NAALADL2: variants seen among roughly 807,000 people sequenced by gnomAD.
NAALADL2 encodes N-acetylated alpha-linked acidic dipeptidase like 2.
A neutral mutation model predicts 87.2 loss-of-function variants in NAALADL2; 76 were observed. That is an observed-to-expected ratio of 0.87 (90% confidence interval 0.72 to 1.05). NAALADL2 has a LOEUF of 1.05. Ranked by LOEUF, NAALADL2 falls within the 50% of genes least tolerant of loss-of-function variation. NAALADL2 has a pLI of 0.00. For missense variants in NAALADL2, 1,089 were observed against 945.8 expected, an observed-to-expected ratio of 1.15 and a Z score of -1.99; for synonymous variants, 354 against 331.0, an observed-to-expected ratio of 1.07 and a Z score of -0.75.
intron 4 of NAALADL2, among the ~76,000 whole-genome samples, chr3:175,278,954 T>C (rs773538413): frequency 1.3e-5 from 2 of 152,154 alleles, no homozygotes; most frequent in Non-Finnish European, 2.9e-5. Flanking sequence ...AGATTATATT[T>C]TTGTTGTGCT....
chr3:175,083,745 A>C (rs1287717240), intron 1 of NAALADL2, among the ~76,000 whole-genome samples: 1 of 152,208 alleles, frequency 6.6e-6, no homozygotes, highest in Non-Finnish European at 1.5e-5. Flanking sequence ...TTACTATCCT[A>C]TTCTGAAGGC....
intron 3 of NAALADL2, among the ~76,000 whole-genome samples, chr3:174,822,674 G>A (rs1311068179): frequency 1.1e-4 from 16 of 152,144 alleles, no homozygotes; most frequent in Non-Finnish European, 1.5e-5. Context: ...TATGCTATAG[G>A]TAGGTGCATT....
intron 1 of NAALADL2, among the ~76,000 whole-genome samples, chr3:174,967,474 G>A (rs537907646): frequency 2.0e-5 from 3 of 152,156 alleles, no homozygotes; most frequent in Non-Finnish European, 4.4e-5. Flanking sequence ...GTCTCAAGAG[G>A]TACAGTCTGT....
intron 1 of NAALADL2, among the ~76,000 whole-genome samples, chr3:175,070,629 T>C (rs1471057597): frequency 2.0e-5 from 3 of 152,086 alleles, no homozygotes; most frequent in Admixed American, 1.3e-4. Flanking sequence ...TATGCTATGG[T>C]ATAGGGAATC....
chr3:175,644,130 C>A (rs917127812), intron 11 of NAALADL2, among the ~76,000 whole-genome samples: 1 of 151,942 alleles, frequency 6.6e-6, no homozygotes, highest in African/African-American at 2.4e-5. Flanking sequence ...AAAATCATTG[C>A]CAAATTTTGT....
Position 175,733,878 on chromosome 3 carries a change from C to T in NAALADL2, c.1897-3428C>T, listed in dbSNP as rs966155982. ...CCAGCAGGGCAGTCAAATCTTAAAG[C>T]TCTAAAATGATCTCCTTTGACTCCA... is the stretch of plus-strand genomic sequence containing the variant. On this transcript the variant is annotated intron_variant, in intron 11 of 13. Transcript: ENST00000454872. Among the ~76,000 whole-genome samples, 3 of 152,196 alleles carry T rather than the reference C, an allele frequency of 2.0e-5. No individual in the cohort carries two copies. The South Asian group carries it at 6.2e-4, about 31-fold the overall frequency.
chr3:175,401,274 T>A (rs1457491264), intron 5 of NAALADL2, among the ~76,000 whole-genome samples: 1 of 152,114 alleles, frequency 6.6e-6, no homozygotes, highest in Non-Finnish European at 1.5e-5. Flanking sequence ...GATGGAAAGT[T>A]TTGCTTTGAA....
At chr3:174,652,431 C>T (rs893087735) in intron 2 of NAALADL2, among the ~76,000 whole-genome samples, 10 of 152,086 alleles carry the variant, frequency 6.6e-5, no homozygotes, top group Admixed American at 5.9e-4. Flanking sequence ...GGGGTTTAAT[C>T]GATTCACAGT....
At chr3:175,344,954 C>G (rs746075424) in intron 5 of NAALADL2, among the ~76,000 whole-genome samples, 2 of 151,862 alleles carry the variant, frequency 1.3e-5, no homozygotes, top group African/African-American at 4.8e-5. Flanking sequence ...GAAACTAGAA[C>G]AAAAACATGT....
intron 3 of NAALADL2, among the ~76,000 whole-genome samples, chr3:174,758,820 G>A (rs753085030): frequency 6.6e-6 from 1 of 152,182 alleles, no homozygotes; most frequent in Admixed American, 6.5e-5. Flanking sequence ...TGGATCATGA[G>A]AAAGCACATA....
chr3:175,023,892 G>A (rs562624177), intron 1 of NAALADL2, among the ~76,000 whole-genome samples: 3 of 152,006 alleles, frequency 2.0e-5, no homozygotes, highest in South Asian at 4.2e-4. Context: ...TCACTGACAG[G>A]ACTTGGTAAT....
At chr3:175,559,410 T>C (rs970701586) in intron 9 of NAALADL2, among the ~76,000 whole-genome samples, 5 of 124,082 alleles carry the variant, frequency 4.0e-5, no homozygotes, top group African/African-American at 1.3e-4. Flanking sequence ...CTTCCTCTTT[T>C]CCAATTTGGA....
chr3:174,613,990 T>G (rs1264328760), intron 2 of NAALADL2, among the ~76,000 whole-genome samples: 1 of 152,194 alleles, frequency 6.6e-6, no homozygotes, highest in Non-Finnish European at 1.5e-5. Flanking sequence ...GGGAGTTTAT[T>G]CCTAGAAAGG....
At position 175,514,224 on chromosome 3, in the gene NAALADL2, A is replaced by C. The variant is rs572654596; in HGVS notation, c.1653+42466A>C. Reference sequence around the variant, plus strand: ...ACAGTTGTAGTTATTTTTCTCTCATACTTTTCTTAGTGCACATCTATAAAT... The same window carrying C: ...ACAGTTGTAGTTATTTTTCTCTCATCCTTTTCTTAGTGCACATCTATAAAT... On this transcript the variant is annotated intron_variant, in intron 9 of 13. Transcript: ENST00000454872. 2.6e-5 allele frequency among the ~76,000 whole-genome samples: 4 copies of C among 152,280 alleles called. No homozygotes were observed. In the East Asian group the frequency reaches 7.7e-4, roughly 29 times the overall value.
At chr3:174,538,612 TA>T (rs1721939573) in intron 1 of NAALADL2, among the ~76,000 whole-genome samples, 1 of 152,162 alleles carries the variant, frequency 6.6e-6, no homozygotes, top group Non-Finnish European at 1.5e-5. Flanking sequence ...GAGAATTAAC[TA>T]AGATTCTGGC....
chr3:175,755,922 G>A (rs532735002), intron 13 of NAALADL2, among the ~76,000 whole-genome samples: 12 of 152,250 alleles, frequency 7.9e-5, no homozygotes, highest in African/African-American at 1.9e-4. Flanking sequence ...AGAGTCACAT[G>A]GAGTGCTTTC....
intron 2 of NAALADL2, among the ~76,000 whole-genome samples, chr3:174,606,226 A>C (rs996098315): frequency 2.0e-5 from 3 of 152,228 alleles, no homozygotes; most frequent in African/African-American, 7.2e-5. Context: ...GGGAAAAAAC[A>C]GAGCAGAAAA....
intron 10 of NAALADL2, among the ~76,000 whole-genome samples, chr3:175,601,548 C>T (rs1405434910): frequency 2.0e-5 from 3 of 152,076 alleles, no homozygotes; most frequent in African/African-American, 4.8e-5. Context: ...TAAAGAGTGT[C>T]AGAATCCAGC....
intron 8 of NAALADL2, among the ~76,000 whole-genome samples, 199 bp from the exon 9 acceptor site, chr3:175,471,440 A>C (rs1411315685): frequency 6.7e-6 from 1 of 149,284 alleles, no homozygotes; most frequent in Non-Finnish European, 1.5e-5. Context: ...ACGCCACTGC[A>C]CTCCAGTCTG....
Sources: allele counts gnomAD v4.1 joint callset (sites outside exome capture counted in the v4.1 genomes callset), GRCh38; gene constraint gnomAD v4.1.1; transcripts MANE v1.5; gene names NCBI Gene and HGNC (gene_info 2026-07-23, HGNC 2026-07-21).